Variants in VWA5B1 observed in about 807,000 individuals in gnomAD.
The protein encoded by VWA5B1 is von Willebrand factor A domain containing 5B1, also known as von Willebrand factor A domain-containing protein 5B1.
A neutral mutation model predicts 118.2 loss-of-function variants in VWA5B1; 115 were observed. That is an observed-to-expected ratio of 0.97 (90% CI 0.84 to 1.14). The LOEUF (loss-of-function observed/expected upper bound fraction) is 1.14. VWA5B1 is among the 50% of genes most tolerant of loss of function. The probability of loss-of-function intolerance (pLI) is 0.00; values close to 1 mark genes in which losing one functional copy is unlikely to be tolerated. For synonymous variants in VWA5B1, 682 were observed against 658.4 expected (o/e 1.04, Z -0.55); for missense variants, 1,596 against 1,603.8 (o/e 1.00, Z 0.08).
chr1:20,337,742 C>G lies in VWA5B1; in HGVS notation c.2039C>G (p.Pro680Arg), dbSNP rs2089760079. ...PRATMASDPMPAAKRYPLRKA... is the reference protein window; with the variant it reads ...PRATMASDPMRAAKRYPLRKA... ...GCCACCATGGCAAGTGACCCCATGC[C>G]AGCTGCCAAGAGATACCCACTGCGG... Residue 680 changes from proline (P) to arginine (R), a missense_variant, in exon 14 of 22, where the codon CCA (proline) becomes CGA (arginine). Pro to Arg is a moderately radical substitution (Grantham distance 103). Transcript: ENST00000289815. 6.4e-7 allele frequency: 1 copy of G among 1,551,656 alleles called. No individual in the cohort carries two copies. The highest frequency in any genetic ancestry group is 1.4e-5 in the African/African-American group (1 of 73,026).
chr1:20,327,759 G>A (rs1344118010), intron 8 of VWA5B1, 131 bp from the exon 9 acceptor site: 11 of 773,956 alleles, frequency 1.4e-5, no homozygotes, highest in Non-Finnish European at 2.1e-5. Context: ...AGGAGTTGCT[G>A]GGTGCAGACA....
chr1:20,339,432 C>T (rs1487311620), intron 14 of VWA5B1, among the ~76,000 whole-genome samples: 1 of 152,078 alleles, frequency 6.6e-6, no homozygotes, highest in African/African-American at 2.4e-5. Context: ...ATTCCAGCTA[C>T]TCGGGAGGCT....
chr1:20,333,462 G>A (rs1363096681), intron 12 of VWA5B1, among the ~76,000 whole-genome samples: 3 of 152,220 alleles, frequency 2.0e-5, no homozygotes, highest in Non-Finnish European at 4.4e-5. Context: ...GGGCGACAGA[G>A]CGAGACTCCG....
intron 1 of VWA5B1, among the ~76,000 whole-genome samples, chr1:20,309,686 A>G (rs1354763729): frequency 6.6e-6 from 1 of 152,172 alleles, no homozygotes; most frequent in Admixed American, 6.5e-5. Flanking sequence ...GTAGTGGGGT[A>G]GCAGAGACCT....
intron 16 of VWA5B1, among the ~76,000 whole-genome samples, chr1:20,345,178 A>G (rs1352082319): frequency 1.3e-5 from 2 of 152,230 alleles, no homozygotes; most frequent in Non-Finnish European, 2.9e-5. Context: ...AAATAAAACT[A>G]CAGTTATTTA....
chr1:20,315,778 G>T (rs12144694), intron 4 of VWA5B1, among the ~76,000 whole-genome samples: 1 of 152,040 alleles, frequency 6.6e-6, no homozygotes, highest in Non-Finnish European at 1.5e-5. Context: ...GGTGACAAGG[G>T]GGAACGTGCA....
chr1:20,322,133 C>T (rs1003374489), intron 7 of VWA5B1, among the ~76,000 whole-genome samples: 6 of 152,150 alleles, frequency 3.9e-5, no homozygotes, highest in African/African-American at 1.4e-4. Context: ...ATGTTAGCAG[C>T]AGGACTGGCA....
At chr1:20,351,095 A>G (rs1011415653) in intron 20 of VWA5B1, among the ~76,000 whole-genome samples, 169 bp downstream of exon 20, 2 of 152,082 alleles carry the variant, frequency 1.3e-5, no homozygotes, top group Admixed American at 6.6e-5. Flanking sequence ...CCCAGGTCTC[A>G]CCCTACCTCA....
chr1:20,343,525 G>A, intron 16 of VWA5B1, 132 bp downstream of exon 16: 2 of 1,335,960 alleles, frequency 1.5e-6, no homozygotes, highest in Non-Finnish European at 1.9e-6. Context: ...CCTGCTTCCC[G>A]GGTCCTACCC....
chr1:20,338,073 A>G, intron 14 of VWA5B1: 1 of 674,082 alleles, frequency 1.5e-6, no homozygotes, highest in South Asian at 1.5e-5. Context: ...CCAGTTGGCA[A>G]GGAACATTTG....
Position 20,329,287 on chromosome 1 carries a change from C to CTTT in VWA5B1, c.1255-866_1255-864dup, listed in dbSNP as rs10578067. Among the ~76,000 whole-genome samples the CTTT allele has an allele frequency of 2.5e-4, 22 of 89,208 alleles. 1 individual carries two copies. Among genetic ancestry groups the CTTT allele is most frequent in the South Asian group, 4.2e-4 (1 of 2,360 alleles). The allele number at this position is 89,208 out of a possible 152,430, so 58.5% of individuals were successfully genotyped here. A position where few individuals can be genotyped will look rare whatever the true frequency, so the allele number is the denominator to read the frequency against. On this transcript the variant is annotated intron_variant, in intron 9 of 21. Coordinates refer to ENST00000289815, the MANE Select transcript of VWA5B1 (RefSeq NM_001039500.3). ...CTTTTTTTTTTCTTTTTTCTTTTCC[C>CTTT]TTTTTTTTTTTTTTTTTTTTTTTTT...
At chr1:20,319,601 GC>G in intron 7 of VWA5B1, 95 bp downstream of exon 7, 1 of 1,492,524 alleles carries the variant, frequency 6.7e-7, no homozygotes, top group African/African-American at 1.4e-5. Context: ...GAGGTAACCT[GC>G]CCGAGGTCAT....
intron 1 of VWA5B1, among the ~76,000 whole-genome samples, chr1:20,295,541 A>G (rs1044525413): frequency 2.6e-5 from 4 of 152,142 alleles, no homozygotes; most frequent in African/African-American, 9.7e-5. Context: ...AATCTTCCTA[A>G]GGCAAGGGTC....
chr1:20,309,360 A>G (rs1343764451), intron 1 of VWA5B1, among the ~76,000 whole-genome samples: 4 of 152,228 alleles, frequency 2.6e-5, no homozygotes, highest in Non-Finnish European at 5.9e-5. Flanking sequence ...TGGGGGGATG[A>G]CAGAGGATGC....
At chr1:20,300,096 C>A (rs765837715) in intron 1 of VWA5B1, among the ~76,000 whole-genome samples, 1 of 152,216 alleles carries the variant, frequency 6.6e-6, no homozygotes, top group Non-Finnish European at 1.5e-5. Context: ...CACCCACTCA[C>A]TGTGTAACCC....
At chr1:20,302,873 G>A (rs1284297330) in intron 1 of VWA5B1, among the ~76,000 whole-genome samples, 1 of 152,168 alleles carries the variant, frequency 6.6e-6, no homozygotes, top group African/African-American at 2.4e-5. Flanking sequence ...AGCCTTGTTT[G>A]GAGACGTAGC....
At chr1:20,292,204 CTT>C (rs397938596) in intron 1 of VWA5B1, among the ~76,000 whole-genome samples, 1 of 142,962 alleles carries the variant, frequency 7.0e-6, no homozygotes, top group Admixed American at 7.1e-5. Flanking sequence ...CTCCTTCCTT[CTT>C]TTTTTTTTTA....
Position 20,337,237 on chromosome 1 carries a change from C to T in VWA5B1, c.1943-409C>T, listed in dbSNP as rs539724412. On this transcript the variant is annotated intron_variant, in intron 13 of 21. Coordinates refer to ENST00000289815, the MANE Select transcript of VWA5B1 (RefSeq NM_001039500.3). ...CCACCTTCTGGATTCAAGCAATTCT[C>T]ATGCCTCAGCCTCCCGAATAGCTGG... Among the ~76,000 whole-genome samples, 8 of 152,300 alleles carry T rather than the reference C, an allele frequency of 5.3e-5. No individual in the cohort carries two copies. The South Asian group carries it at 1.5e-3, about 28-fold the overall frequency.
At chr1:20,347,961 C>A (rs573514534) in intron 17 of VWA5B1, among the ~76,000 whole-genome samples, 1 of 152,326 alleles carries the variant, frequency 6.6e-6, no homozygotes, top group South Asian at 2.1e-4. Context: ...ATTCTCTCAG[C>A]AATAGTATCT....
Sources: gnomAD v4.1 joint callset for allele counts (sites outside exome capture counted in the v4.1 genomes callset) on GRCh38, gnomAD v4.1.1 for gene constraint, MANE v1.5 for transcripts, NCBI Gene and HGNC (gene_info 2026-07-23, HGNC 2026-07-21) for gene names.